HMGXB3: variants seen among roughly 807,000 people sequenced by gnomAD.
HMGXB3 encodes the protein HMG domain-containing protein 3.
Under a neutral mutation model 121.5 loss-of-function variants are expected in HMGXB3, and 45 were observed. That is an observed-to-expected ratio of 0.37 (90% CI 0.29 to 0.47). The LOEUF (loss-of-function observed/expected upper bound fraction) is 0.47, where lower values mean the gene tolerates loss of function less well. Ranked by LOEUF, HMGXB3 falls within the 20% of genes least tolerant of loss-of-function variation. HMGXB3 has a pLI of 0.99. For synonymous variants in HMGXB3, 590 were observed against 624.1 expected (o/e 0.95, Z 0.81); for missense variants, 1,376 against 1,602.2 (o/e 0.86, Z 2.41).
chr5:150,016,551 T>A (rs1581250552), intron 5 of HMGXB3, among the ~76,000 whole-genome samples: 1 of 152,300 alleles, frequency 6.6e-6, no homozygotes, highest in Admixed American at 6.5e-5. Flanking sequence ...GAAATCTACT[T>A]TGTCTAATAT....
intron 13 of HMGXB3, among the ~76,000 whole-genome samples, chr5:150,039,434 AT>A (rs1359353280): frequency 1.3e-5 from 2 of 152,120 alleles, no homozygotes; most frequent in Non-Finnish European, 2.9e-5. Flanking sequence ...GTATAGAAGT[AT>A]AATTAAGTTT....
At chr5:150,001,494 A>G (rs1755564162) in intron 1 of HMGXB3, among the ~76,000 whole-genome samples, 1 of 152,206 alleles carries the variant, frequency 6.6e-6, no homozygotes, top group South Asian at 2.1e-4. Context: ...GGACAGAGAA[A>G]GTGTCTCGCA....
Position 150,004,303 on chromosome 5 carries a change from A to T in HMGXB3, c.-2-548A>T, listed in dbSNP as rs915735944. Among the ~76,000 whole-genome samples the T allele has an allele frequency of 2.6e-4, 40 of 152,160 alleles. 1 individual carries two copies. Among genetic ancestry groups the T allele is most frequent in the Non-Finnish European group, 4.4e-4 (30 of 68,018 alleles). On this transcript the variant is annotated intron_variant, in intron 1 of 19. Transcript: ENST00000502717. ...AAGCTGAACAAAAAGCAGCTAAAAG[A>T]CCTGACCAAAATTGCACAAGCTGGC...
At chr5:150,049,821 G>A (rs1054502214) in intron 18 of HMGXB3, among the ~76,000 whole-genome samples, 3 of 152,184 alleles carry the variant, frequency 2.0e-5, no homozygotes, top group African/African-American at 7.2e-5. Context: ...GGGTCTGGTG[G>A]GGAGCTTGCT....
At chr5:150,018,542 T>C (rs1280635021) in intron 5 of HMGXB3, 24 bp from the exon 6 acceptor site, 2 of 1,518,684 alleles carry the variant, frequency 1.3e-6, no homozygotes, top group Non-Finnish European at 8.9e-7. Context: ...GTTCTATTGA[T>C]TCTGATGTGC....
intron 11 of HMGXB3, among the ~76,000 whole-genome samples, chr5:150,033,141 CTAT>C (rs1364902097): frequency 6.6e-6 from 1 of 152,048 alleles, no homozygotes; most frequent in Non-Finnish European, 1.5e-5. Context: ...CTTAGGGCTG[CTAT>C]TATTATTATT....
intron 6 of HMGXB3, 131 bp from the exon 7 acceptor site, chr5:150,024,126 CTTAAG>C (rs1756164767): frequency 1.3e-6 from 1 of 747,932 alleles, no homozygotes; most frequent in African/African-American, 1.8e-5. Context: ...CACTTGAGAT[CTTAAG>C]TTAACTTCTT....
At chr5:150,004,713 G>A (rs773364388) in intron 1 of HMGXB3, 138 bp from the exon 2 acceptor site, 1 of 516,028 alleles carries the variant, frequency 1.9e-6, no homozygotes, top group Non-Finnish European at 3.3e-6. Flanking sequence ...CAAGCCAGGT[G>A]CTTCTTAGGA....
At chr5:150,050,129 TG>T in intron 18 of HMGXB3, 122 bp from the exon 19 acceptor site, 1 of 791,692 alleles carries the variant, frequency 1.3e-6, no homozygotes, top group Non-Finnish European at 2.1e-6. Context: ...TCTGGCAGGA[TG>T]GCCATGGCTT....
At chr5:150,022,451 C>T (rs1353098560) in intron 6 of HMGXB3, among the ~76,000 whole-genome samples, 1 of 152,166 alleles carries the variant, frequency 6.6e-6, no homozygotes, top group African/African-American at 2.4e-5. Flanking sequence ...CAGTTGAGGT[C>T]TCTCTGAGCC....
chr5:150,012,996 A>T (rs905936951), intron 5 of HMGXB3, among the ~76,000 whole-genome samples: 1 of 152,238 alleles, frequency 6.6e-6, no homozygotes, highest in African/African-American at 2.4e-5. Context: ...ACTTTTGTAG[A>T]TGCTGTTGGG....
chr5:150,050,506 A>G, intron 19 of HMGXB3, 45 bp downstream of exon 19: 1 of 1,432,318 alleles, frequency 7.0e-7, no homozygotes, highest in South Asian at 1.2e-5. Flanking sequence ...CAAGCCTACC[A>G]TGTCTTGCTC....
Position 150,052,490 on chromosome 5 carries a change from T to G in HMGXB3, c.*298T>G. 2.7e-6 allele frequency: 1 copy of G among 369,738 alleles called. No homozygotes were observed. The highest frequency in any genetic ancestry group is 5.0e-6 in the Non-Finnish European group (1 of 199,478). The allele number at this position is 369,738 out of a possible 1,614,324, so 22.9% of individuals were successfully genotyped here. A position where few individuals can be genotyped will look rare whatever the true frequency, so the allele number is the denominator to read the frequency against. On this transcript the variant is annotated 3_prime_UTR_variant, in exon 20 of 20. Coordinates refer to ENST00000502717, the MANE Select transcript of HMGXB3 (RefSeq NM_014983.3). ...AGGGAAAGGCTCGTAGCTGGTGGGTTCCGTGGGGCCTGCGGTGTGGGTCAG... is the reference window on the plus strand; with the variant it reads ...AGGGAAAGGCTCGTAGCTGGTGGGTGCCGTGGGGCCTGCGGTGTGGGTCAG...
intron 16 of HMGXB3, among the ~76,000 whole-genome samples, chr5:150,046,586 G>T (rs1756759983): frequency 6.6e-6 from 1 of 152,108 alleles, no homozygotes; most frequent in Non-Finnish European, 1.5e-5. Context: ...GCCCAGGCGG[G>T]CGGATCACGA....
Position 150,028,558 on chromosome 5 carries a change from TA to T in HMGXB3, c.1734+1442del, listed in dbSNP as rs1466469923. 2.5e-3 allele frequency among the ~76,000 whole-genome samples: 116 copies of T among 47,304 alleles called. 4 individuals carry two copies. The highest frequency in any genetic ancestry group is 0.015 in the African/African-American group (94 of 6,116). The allele number at this position is 47,304 out of a possible 152,430, so 31.0% of individuals were successfully genotyped here. A position where few individuals can be genotyped will look rare whatever the true frequency, so the allele number is the denominator to read the frequency against. On this transcript the variant is annotated intron_variant, in intron 9 of 19. Transcript: ENST00000502717. ...GTGTGTGTGTATATATATATATATA[TA>T]TTTTTTTTTTTTTTTTTTTCCTCCA...
chr5:150,004,550 A>C (rs1022982772), intron 1 of HMGXB3, among the ~76,000 whole-genome samples: 1 of 152,192 alleles, frequency 6.6e-6, no homozygotes, highest in African/African-American at 2.4e-5. Flanking sequence ...CCATGAATAT[A>C]AGTGAAAAGT....
intron 3 of HMGXB3, 74 bp downstream of exon 3, chr5:150,006,721 G>A (rs1755711874): frequency 7.8e-7 from 1 of 1,286,852 alleles, no homozygotes; most frequent in African/African-American, 1.5e-5. Flanking sequence ...CAAGCCCCTT[G>A]TTCTGTTTCC....
intron 9 of HMGXB3, among the ~76,000 whole-genome samples, chr5:150,028,687 C>T (rs765216051): frequency 6.6e-6 from 1 of 150,444 alleles, no homozygotes; most frequent in Non-Finnish European, 1.5e-5. Context: ...CCAACTCAGC[C>T]TCCTGAGTAG....
Position 150,036,845 on chromosome 5 carries a change from C to CA in HMGXB3, c.2194dup (p.Thr732AsnfsTer12). ...TGTCCAACGTGAGTGAGGAGACAGT[C>CA]ACCATCGAGCAAACCTCTTGGTCGA... On this transcript the variant is annotated frameshift_variant, in exon 12 of 20. Coordinates refer to ENST00000502717, the MANE Select transcript of HMGXB3 (RefSeq NM_014983.3). LOFTEE classifies it high-confidence loss of function. 2 of 1,551,696 alleles carry CA rather than the reference C, an allele frequency of 1.3e-6. No homozygotes were observed. Among genetic ancestry groups the CA allele is most frequent in the Non-Finnish European group, 1.7e-6 (2 of 1,146,982 alleles).
Sources: gnomAD v4.1 joint callset for allele counts (sites outside exome capture counted in the v4.1 genomes callset) on GRCh38, gnomAD v4.1.1 for gene constraint, MANE v1.5 for transcripts, NCBI Gene and HGNC (gene_info 2026-07-23, HGNC 2026-07-21) for gene names.